LOC728743: variants seen among roughly 807,000 people sequenced by gnomAD.
At chr7:150,407,974 G>A in the LOC728743 span, 7 of 403,376 alleles carry the variant, frequency 1.7e-5, no homozygotes, top group Non-Finnish European at 3.1e-5. Flanking sequence ...ACAGCGGCGA[G>A]AAGCCGCACC....
chr7:150,405,937 G>GA, the LOC728743 span: 2 of 152,620 alleles, frequency 1.3e-5, no homozygotes, highest in African/African-American at 4.8e-5. Context: ...GAACTTGGGG[G>GA]AGAGACGGGG....
the LOC728743 span, chr7:150,411,786 C>G: frequency 2.0e-5 from 3 of 152,450 alleles, no homozygotes; most frequent in African/African-American, 7.2e-5. Context: ...ACACACGCCC[C>G]TTTTGTGCTA....
chr7:150,408,685 AC>A, the LOC728743 span, among the ~76,000 whole-genome samples: 170 of 152,248 alleles, frequency 1.1e-3, no homozygotes, highest in African/African-American at 4.0e-3. Context: ...CTTTCCACAA[AC>A]CCCACGCCCA....
chr7:150,411,056 G>A, the LOC728743 span: 1 of 152,326 alleles, frequency 6.6e-6, no homozygotes, highest in South Asian at 2.1e-4. Context: ...AGGTCCCTTG[G>A]GCTAGATTTT....
At chr7:150,401,450 G>T in the LOC728743 span, among the ~76,000 whole-genome samples, 1 of 152,226 alleles carries the variant, frequency 6.6e-6, no homozygotes, top group African/African-American at 2.4e-5. Context: ...GGGAGTGGGG[G>T]ATGTGAAACC....
chr7:150,411,679 A>G, the LOC728743 span: 1 of 152,242 alleles, frequency 6.6e-6, no homozygotes, highest in Non-Finnish European at 1.5e-5. Context: ...CTGGAATAGC[A>G]GAATGCTCAG....
At chr7:150,410,104 G>A in the LOC728743 span, 4 of 398,628 alleles carry the variant, frequency 1.0e-5, no homozygotes, top group Non-Finnish European at 1.8e-5. Context: ...GGGTGGCTGG[G>A]CAGGGCCATG....
the LOC728743 span, chr7:150,405,587 G>A: frequency 6.6e-6 from 1 of 151,746 alleles, no homozygotes; most frequent in Non-Finnish European, 1.5e-5. Context: ...GGGGTGGGTT[G>A]CGGCAGCAGG....
At chr7:150,404,156 G>A in the LOC728743 span, among the ~76,000 whole-genome samples, 9 of 152,310 alleles carry the variant, frequency 5.9e-5, 1 homozygote, top group East Asian at 1.7e-3. Flanking sequence ...TTCTCCACCT[G>A]GCAGCTACAG....
At chr7:150,402,024 T>C in the LOC728743 span, among the ~76,000 whole-genome samples, 1 of 152,204 alleles carries the variant, frequency 6.6e-6, no homozygotes. Flanking sequence ...CATAGGTCCT[T>C]GGGCAAGTAA....
the LOC728743 span, among the ~76,000 whole-genome samples, chr7:150,406,438 T>TG: frequency 2.6e-5 from 4 of 151,754 alleles, no homozygotes; most frequent in African/African-American, 4.8e-5. Flanking sequence ...ATGGTGGCAG[T>TG]GGGGGGTGTG....
At chr7:150,408,880 G>A in the LOC728743 span, among the ~76,000 whole-genome samples, 12 of 152,356 alleles carry the variant, frequency 7.9e-5, no homozygotes, top group East Asian at 2.1e-3. Flanking sequence ...CAGAGCCTTA[G>A]TTGATTCTGC....
chr7:150,402,931 G>A, the LOC728743 span, among the ~76,000 whole-genome samples: 2 of 152,170 alleles, frequency 1.3e-5, no homozygotes, highest in African/African-American at 4.8e-5. Context: ...GGAGCCACGA[G>A]CAACACATCT....
the LOC728743 span, among the ~76,000 whole-genome samples, chr7:150,409,014 G>A: frequency 6.6e-6 from 1 of 152,172 alleles, no homozygotes. Flanking sequence ...AAAGTGCTCT[G>A]GGGTGAGACC....
chr7:150,410,018 G>A, the LOC728743 span: 2 of 397,042 alleles, frequency 5.0e-6, no homozygotes, highest in Non-Finnish European at 8.9e-6. Context: ...TGCTTGGTAG[G>A]GGACAAAGAG....
chr7:150,402,767 A>T, the LOC728743 span, among the ~76,000 whole-genome samples: 6 of 152,298 alleles, frequency 3.9e-5, no homozygotes, highest in East Asian at 1.2e-3. Context: ...GCAGCCCTAC[A>T]GGAGGAGCTG....
At chr7:150,407,908 C>G in the LOC728743 span, 3 of 414,766 alleles carry the variant, frequency 7.2e-6, no homozygotes, top group East Asian at 7.0e-5. Flanking sequence ...TCCCCTGCCC[C>G]GAGTGCGGCC....
At chr7:150,402,771 G>A in the LOC728743 span, among the ~76,000 whole-genome samples, 1 of 152,210 alleles carries the variant, frequency 6.6e-6, no homozygotes, top group Non-Finnish European at 1.5e-5. Context: ...CCCTACAGGA[G>A]GAGCTGGAGG....
the LOC728743 span, among the ~76,000 whole-genome samples, chr7:150,401,701 A>AC: frequency 6.6e-6 from 1 of 152,232 alleles, no homozygotes; most frequent in East Asian, 1.9e-4. Flanking sequence ...AGGCTGTTCA[A>AC]CAGGGGACTT....
Sources: allele counts gnomAD v4.1 joint callset (sites outside exome capture counted in the v4.1 genomes callset), GRCh38; gene constraint gnomAD v4.1.1; transcripts MANE v1.5.